The following UBE2V2 variants were observed in gnomAD, a reference collection of about 807,000 sequenced individuals.
UBE2V2 encodes the protein ubiquitin conjugating enzyme E2 V2.
A neutral mutation model predicts 17.2 loss-of-function variants in UBE2V2; 9 were observed. The ratio of observed to expected loss-of-function variants is 0.52; its 90% confidence interval spans 0.32 to 0.91. UBE2V2 has a LOEUF of 0.91. UBE2V2 is among the 40% of genes least tolerant of loss of function. The pLI is 0.04. For missense variants in UBE2V2, 133 were observed against 182.6 expected, an observed-to-expected ratio of 0.73 and a Z score of 1.56; for synonymous variants, 61 against 57.5, an observed-to-expected ratio of 1.06 and a Z score of -0.28.
chr8:48,024,106 G>T (rs2091324046), intron 1 of UBE2V2, among the ~76,000 whole-genome samples: 1 of 152,164 alleles, frequency 6.6e-6, no homozygotes, highest in South Asian at 2.1e-4. Flanking sequence ...TCAAACCTTA[G>T]AAGGAGATAA....
At chr8:48,014,576 C>T (rs1212806477) in intron 1 of UBE2V2, among the ~76,000 whole-genome samples, 3 of 144,232 alleles carry the variant, frequency 2.1e-5, no homozygotes, top group Admixed American at 7.3e-5. Context: ...ACCTGGGAGT[C>T]GAAGCTTGCA....
At chr8:48,034,149 G>T (rs1233295685) in intron 1 of UBE2V2, among the ~76,000 whole-genome samples, 1 of 99,678 alleles carries the variant, frequency 1.0e-5, no homozygotes, top group Non-Finnish European at 1.6e-5. Context: ...TTGAGATGGA[G>T]TCTCGCACTG....
At chr8:48,010,729 G>T (rs1481078166) in intron 1 of UBE2V2, among the ~76,000 whole-genome samples, 2 of 133,142 alleles carry the variant, frequency 1.5e-5, no homozygotes, top group African/African-American at 5.7e-5. Flanking sequence ...TGAGTCTCTC[G>T]CTTCTTTGCC....
At chr8:48,025,080 G>C (rs930107157) in intron 1 of UBE2V2, among the ~76,000 whole-genome samples, 1 of 151,864 alleles carries the variant, frequency 6.6e-6, no homozygotes, top group African/African-American at 2.4e-5. Flanking sequence ...AACTACAGGC[G>C]TGTGCCACCA....
At chr8:48,036,284 G>C (rs2091424583) in intron 1 of UBE2V2, among the ~76,000 whole-genome samples, 1 of 151,736 alleles carries the variant, frequency 6.6e-6, no homozygotes, top group Non-Finnish European at 1.5e-5. Flanking sequence ...TTAGGATAGG[G>C]TCATGTCTGA....
chr8:48,045,030 C>T (rs573046098), intron 2 of UBE2V2, among the ~76,000 whole-genome samples: 14 of 152,180 alleles, frequency 9.2e-5, no homozygotes, highest in South Asian at 4.2e-4. Context: ...CTGGTGTCAC[C>T]GAACCTCAGG....
rs141797467 is a variant in UBE2V2 at position 48,038,064 on chromosome 8, C to T, written c.17-4969C>T. Among the ~76,000 whole-genome samples the T allele has an allele frequency of 5.2e-3, 793 of 152,256 alleles. 12 individuals are homozygous for T. The highest frequency in any genetic ancestry group is 0.018 in the African/African-American group (767 of 41,534). The stretch of plus-strand genomic sequence containing the variant: ...GCATTCTCTCTCTCTTTTGTAATGT[C>T]CTCCCCACGCCTTTTTTGGCTCCAC... On this transcript the variant is annotated intron_variant, in intron 1 of 3. Coordinates refer to ENST00000523111, the MANE Select transcript of UBE2V2 (RefSeq NM_003350.3).
At chr8:48,006,720 G>C (rs1295617918), upstream of UBE2V2, among the ~76,000 whole-genome samples, 4 of 152,012 alleles carry the variant, frequency 2.6e-5, no homozygotes, top group Admixed American at 6.6e-5. Context: ...TGCAGAAAAG[G>C]CTTCGACAAA....
rs553578907 is a variant in UBE2V2, at chr8:48,016,177, G to A, written c.16+7707G>A. ...CTCCCAAAGTATGGGGATTACAGGC[G>A]TGAGCCACCGCGCTCAGCCTATCCA... On this transcript the variant is annotated intron_variant, in intron 1 of 3. Coordinates refer to ENST00000523111, the MANE Select transcript of UBE2V2 (RefSeq NM_003350.3). Among the ~76,000 whole-genome samples the A allele has an allele frequency of 1.8e-3, 270 of 152,258 alleles. 1 individual carries two copies. Among genetic ancestry groups the A allele is most frequent in the African/African-American group, 5.7e-3 (235 of 41,566 alleles).
intron 2 of UBE2V2, among the ~76,000 whole-genome samples, chr8:48,043,919 C>G (rs769477398): frequency 6.7e-6 from 1 of 149,598 alleles, no homozygotes; most frequent in Admixed American, 6.7e-5. Flanking sequence ...TTTTTTCTAG[C>G]TTGGGATTTT....
At chr8:48,017,562 G>C (rs972808914) in intron 1 of UBE2V2, among the ~76,000 whole-genome samples, 2 of 151,784 alleles carry the variant, frequency 1.3e-5, no homozygotes, top group Non-Finnish European at 2.9e-5. Context: ...TAGTAGAGAC[G>C]GGATTTCTCC....
intron 2 of UBE2V2, among the ~76,000 whole-genome samples, chr8:48,046,533 C>T (rs906238484): frequency 2.0e-5 from 3 of 152,204 alleles, no homozygotes; most frequent in Admixed American, 1.3e-4. Flanking sequence ...GGATTACAGG[C>T]GTGAGCCGCC....
upstream of UBE2V2, among the ~76,000 whole-genome samples, chr8:48,004,518 TTTTTTTGTTTTG>T (rs2091170994): frequency 6.6e-6 from 1 of 150,720 alleles, no homozygotes; most frequent in South Asian, 2.2e-4. Context: ...TTCTGTTTTT[TTTTTTTGTTTTG>T]TTTTTTTGTT....
At chr8:48,037,278 G>C (rs1033818491) in intron 1 of UBE2V2, among the ~76,000 whole-genome samples, 1 of 152,264 alleles carries the variant, frequency 6.6e-6, no homozygotes, top group Non-Finnish European at 1.5e-5. Context: ...GAAAGGATAA[G>C]GCTTTAGAAA....
At chr8:48,046,669 A>G (rs1589863494) in intron 2 of UBE2V2, among the ~76,000 whole-genome samples, 1 of 152,034 alleles carries the variant, frequency 6.6e-6, no homozygotes, top group Admixed American at 6.6e-5. Context: ...GCCCGATCAC[A>G]CCTCACAGCC....
intron 1 of UBE2V2, among the ~76,000 whole-genome samples, chr8:48,023,756 G>A (rs1198947474): frequency 6.6e-6 from 1 of 151,962 alleles, no homozygotes; most frequent in East Asian, 1.9e-4. Context: ...CTTGCTTATA[G>A]CTCCAGCTAC....
intron 2 of UBE2V2, among the ~76,000 whole-genome samples, chr8:48,049,362 G>A (rs2091520400): frequency 6.6e-6 from 1 of 152,148 alleles, no homozygotes; most frequent in Non-Finnish European, 1.5e-5. Context: ...ACCCTTTTGA[G>A]AATGAAAGGA....
chr8:48,005,428 T>A (rs1035230190), upstream of UBE2V2, among the ~76,000 whole-genome samples: 2 of 152,224 alleles, frequency 1.3e-5, no homozygotes, highest in Non-Finnish European at 2.9e-5. Flanking sequence ...CTGATGGCCA[T>A]TTGGGTTGGT....
Position 48,008,442 on chromosome 8 carries a change from G to T in UBE2V2, c.-13G>T, listed in dbSNP as rs1355409608. 7.7e-6 allele frequency: 12 copies of T among 1,565,914 alleles called. No individual in the cohort carries two copies. The highest frequency in any genetic ancestry group is 9.5e-6 in the Non-Finnish European group (11 of 1,158,584). On this transcript the variant is annotated 5_prime_UTR_variant, in exon 1 of 4. Transcript: ENST00000523111. ...GCGTGCGTGCGGGCGGCTGCGTCGG[G>T]CTGCAGGAGAAGATGGCGGTCTCCA... is the stretch of plus-strand genomic sequence containing the variant.
Sources: allele counts gnomAD v4.1 joint callset (sites outside exome capture counted in the v4.1 genomes callset), GRCh38; gene constraint gnomAD v4.1.1; transcripts MANE v1.5; gene names NCBI Gene and HGNC (gene_info 2026-07-23, HGNC 2026-07-21).